The following ZNF362 variants were observed in gnomAD, a reference collection of about 807,000 sequenced individuals.
The protein encoded by ZNF362 is rotund homolog.
ZNF362 carries 11 observed loss-of-function variants against 42.9 expected under a neutral mutation model. The observed-to-expected ratio is 0.26, with a 90% CI of 0.16 to 0.42. The LOEUF (loss-of-function observed/expected upper bound fraction) is 0.42. Ranked by LOEUF, ZNF362 falls within the 20% of genes least tolerant of loss-of-function variation. ZNF362 has a pLI of 1.00. For synonymous variants in ZNF362, 255 were observed against 257.3 expected, an observed-to-expected ratio of 0.99 and a Z score of 0.09; for missense variants, 362 against 576.2, an observed-to-expected ratio of 0.63 and a Z score of 3.81.
At chr1:33,293,440 C>G (rs888540563) in intron 6 of ZNF362, among the ~76,000 whole-genome samples, 1 of 152,164 alleles carries the variant, frequency 6.6e-6, no homozygotes, top group Non-Finnish European at 1.5e-5. Flanking sequence ...TTATTGGTAG[C>G]AGGGAGTGTT....
At chr1:33,272,313 T>C (rs1267750865) in intron 2 of ZNF362, among the ~76,000 whole-genome samples, 1 of 152,108 alleles carries the variant, frequency 6.6e-6, no homozygotes, top group Non-Finnish European at 1.5e-5. Flanking sequence ...TTCACTTAGC[T>C]TGGGGCTCGG....
the ZNF362 span, chr1:33,159,960 G>A: frequency 2.8e-5 from 44 of 1,595,598 alleles, no homozygotes; most frequent in African/African-American, 2.3e-4. The surrounding 1 kb of genome is among the most constrained non-coding windows in gnomAD (Gnocchi z 4.2). Context: ...GGGGACAGTC[G>A]TCAGGGGTTA....
At chr1:33,175,671 G>C in the ZNF362 span, among the ~76,000 whole-genome samples, 1 of 152,162 alleles carries the variant, frequency 6.6e-6, no homozygotes, top group Non-Finnish European at 1.5e-5. Flanking sequence ...CTTGCAGTGT[G>C]ATCTTGGGAA....
At chr1:33,177,168 C>T in the ZNF362 span, among the ~76,000 whole-genome samples, 1 of 152,256 alleles carries the variant, frequency 6.6e-6, no homozygotes, top group African/African-American at 2.4e-5. This position sits in a 1 kb window ranked among gnomAD's most constrained non-coding sequence, Gnocchi z 4.1. Context: ...ACATAAAAAT[C>T]CTTAGAACTG....
chr1:33,220,811 C>G, the ZNF362 span, among the ~76,000 whole-genome samples: 1 of 152,142 alleles, frequency 6.6e-6, no homozygotes, highest in Non-Finnish European at 1.5e-5. Flanking sequence ...AGCAACCCAG[C>G]GGGTGTGGGT....
the ZNF362 span, among the ~76,000 whole-genome samples, chr1:33,218,547 G>C: frequency 2.6e-5 from 4 of 152,126 alleles, no homozygotes; most frequent in Non-Finnish European, 5.9e-5. Context: ...CTAAAAGAAG[G>C]CATTGTCAAT....
the ZNF362 span, among the ~76,000 whole-genome samples, chr1:33,222,429 C>T: frequency 2.2e-4 from 33 of 152,216 alleles, no homozygotes; most frequent in Non-Finnish European, 2.1e-4. Flanking sequence ...TGCAAATAGT[C>T]ATATCACTGA....
the ZNF362 span, among the ~76,000 whole-genome samples, chr1:33,234,856 C>T: frequency 2.6e-5 from 4 of 152,178 alleles, no homozygotes; most frequent in African/African-American, 9.7e-5. Flanking sequence ...CCAGGGAGAT[C>T]AAAGAGTGGT....
the ZNF362 span, chr1:33,181,417 TGA>T: frequency 6.3e-7 from 1 of 1,598,960 alleles, no homozygotes; most frequent in Non-Finnish European, 8.5e-7. The surrounding 1 kb of genome is among the most constrained non-coding windows in gnomAD (Gnocchi z 6.5). Context: ...AGCTCGTCCT[TGA>T]GGCTGCACGC....
chr1:33,146,933 T>C, the ZNF362 span: 1 of 544,872 alleles, frequency 1.8e-6, no homozygotes, highest in Non-Finnish European at 3.3e-6. Context: ...GGAGAAGCCA[T>C]GTCACATCCT....
intron 2 of ZNF362, among the ~76,000 whole-genome samples, chr1:33,273,441 C>T (rs1645920426): frequency 1.3e-5 from 2 of 152,188 alleles, no homozygotes; most frequent in Non-Finnish European, 1.5e-5. Context: ...GGCAAGACCC[C>T]CTCTTCCCAT....
Position 33,280,576 on chromosome 1 carries a change from A to G in ZNF362, c.683+119A>G. ...ACCCTTAGGGCTGAGGGGCAGGGCTAGGGTCCAGAGGGGCGGGGCCTTCTG... is the reference window on the plus strand; with the variant it reads ...ACCCTTAGGGCTGAGGGGCAGGGCTGGGGTCCAGAGGGGCGGGGCCTTCTG... On this transcript the variant is annotated intron_variant, in intron 5 of 8. Coordinates refer to ENST00000539719, the MANE Select transcript of ZNF362 (RefSeq NM_152493.3). The surrounding 1 kb of genome is among the most constrained non-coding windows in gnomAD (Gnocchi z 5.6). 1.4e-6 allele frequency: 2 copies of G among 1,439,220 alleles called. No homozygotes were observed. The highest frequency in any genetic ancestry group is 3.0e-5 in the South Asian group (2 of 66,736). The allele number at this position is 1,439,220 out of a possible 1,614,324, so 89.2% of individuals were successfully genotyped here. A position where few individuals can be genotyped will look rare whatever the true frequency, so the allele number is the denominator to read the frequency against.
chr1:33,231,648 A>G, the ZNF362 span, among the ~76,000 whole-genome samples: 1 of 152,154 alleles, frequency 6.6e-6, no homozygotes, highest in Non-Finnish European at 1.5e-5. Context: ...TGTCTCCCCA[A>G]CTAGAGAGTG....
At chr1:33,276,643 G>A in intron 4 of ZNF362, 49 bp downstream of exon 4, 8 of 1,296,282 alleles carry the variant, frequency 6.2e-6, no homozygotes, top group Non-Finnish European at 7.8e-6. Context: ...CTGGGCAGGA[G>A]GGGGCGGGCG....
chr1:33,207,866 A>G, the ZNF362 span, among the ~76,000 whole-genome samples: 1 of 152,086 alleles, frequency 6.6e-6, no homozygotes, highest in South Asian at 2.1e-4. Context: ...AGATGGATAG[A>G]TTGCAAAAAT....
At chr1:33,154,664 G>A in the ZNF362 span, among the ~76,000 whole-genome samples, 1 of 151,390 alleles carries the variant, frequency 6.6e-6, no homozygotes, top group African/African-American at 2.4e-5. Flanking sequence ...TGGGTGCAGT[G>A]GCGTGTGCCT....
chr1:33,134,096 T>C, the ZNF362 span, among the ~76,000 whole-genome samples: 2 of 152,228 alleles, frequency 1.3e-5, no homozygotes, highest in Non-Finnish European at 2.9e-5. Flanking sequence ...GCCTTCATGC[T>C]ATCCATGTGC....
At chr1:33,202,885 C>G in the ZNF362 span, among the ~76,000 whole-genome samples, 1 of 151,820 alleles carries the variant, frequency 6.6e-6, no homozygotes, top group Non-Finnish European at 1.5e-5. Context: ...TATATAAATA[C>G]CTTAAATATG....
At chr1:33,187,483 A>G in the ZNF362 span, among the ~76,000 whole-genome samples, 8 of 152,204 alleles carry the variant, frequency 5.3e-5, no homozygotes, top group Non-Finnish European at 8.8e-5. Flanking sequence ...AGAGGTAGAA[A>G]GGATAACAGA....
Sources: allele counts gnomAD v4.1 joint callset (sites outside exome capture counted in the v4.1 genomes callset), GRCh38; gene constraint gnomAD v4.1.1; non-coding constraint Gnocchi (gnomAD v3.1); transcripts MANE v1.5; gene names NCBI Gene and HGNC (gene_info 2026-07-23, HGNC 2026-07-21).